PTPRG: variants seen among roughly 807,000 people sequenced by gnomAD.
PTPRG encodes the protein receptor-type tyrosine-protein phosphatase gamma.
In PTPRG, 102 loss-of-function variants were observed where a neutral mutation model predicts 165.3. The ratio of observed to expected loss-of-function variants is 0.62; its 90% CI spans 0.53 to 0.73. PTPRG has a LOEUF of 0.73. Ranked by LOEUF, PTPRG falls within the 30% of genes least tolerant of loss-of-function variation. PTPRG has a pLI of 0.00. For synonymous variants in PTPRG, 675 were observed against 669.5 expected (o/e 1.01, Z -0.13); for missense variants, 1,866 against 1,861.4 (o/e 1.00, Z -0.05).
At chr3:61,958,119 C>CT (rs1291230582) in intron 2 of PTPRG, among the ~76,000 whole-genome samples, 3 of 151,836 alleles carry the variant, frequency 2.0e-5, no homozygotes, top group East Asian at 3.9e-4. Flanking sequence ...GACTTTTCTT[C>CT]TTTTTTTTCT....
At chr3:62,022,205 T>C (rs988484772) in intron 4 of PTPRG, among the ~76,000 whole-genome samples, 7 of 152,184 alleles carry the variant, frequency 4.6e-5, no homozygotes, top group African/African-American at 1.7e-4. Context: ...TGTAGTACTA[T>C]GTATGTTATA....
In PTPRG at chr3:61,965,689, T is replaced by C. The variant is rs117168035; in HGVS notation, c.191-23936T>C. 1.5e-4 allele frequency among the ~76,000 whole-genome samples: 23 copies of C among 152,344 alleles called. No individual in the cohort carries two copies. In the East Asian group the frequency reaches 4.0e-3, roughly 27 times the overall value. ...TTTAGCATTGGGCAATAATAATGGC[T>C]AATATTTAACACGTAACATGCTCAC... On this transcript the variant is annotated intron_variant, in intron 2 of 29. Coordinates refer to ENST00000474889, the MANE Select transcript of PTPRG (RefSeq NM_002841.4).
chr3:62,056,077 A>G (rs1018207850), intron 4 of PTPRG, among the ~76,000 whole-genome samples: 2 of 152,248 alleles, frequency 1.3e-5, no homozygotes, highest in African/African-American at 4.8e-5. Context: ...CAACTGTGCC[A>G]TTATACATTA....
intron 2 of PTPRG, among the ~76,000 whole-genome samples, chr3:61,975,097 T>A (rs532426345): frequency 2.6e-5 from 4 of 152,190 alleles, no homozygotes; most frequent in Admixed American, 6.5e-5. Flanking sequence ...ATTCAGAAAA[T>A]GAGGGTAGTA....
At chr3:61,722,732 G>A (rs900008097) in intron 1 of PTPRG, among the ~76,000 whole-genome samples, 1 of 152,148 alleles carries the variant, frequency 6.6e-6, no homozygotes, top group South Asian at 2.1e-4. Flanking sequence ...TGAATTTTAT[G>A]TTATGTCTGT....
intron 2 of PTPRG, among the ~76,000 whole-genome samples, chr3:61,950,230 T>C (rs2039867170): frequency 6.6e-6 from 1 of 152,226 alleles, no homozygotes; most frequent in Admixed American, 6.5e-5. Flanking sequence ...TCACATTCTT[T>C]TCCCCCAGCT....
chr3:61,872,113 G>A (rs2037602017), intron 2 of PTPRG, among the ~76,000 whole-genome samples: 1 of 152,186 alleles, frequency 6.6e-6, no homozygotes, highest in Non-Finnish European at 1.5e-5. Flanking sequence ...TCTTGTTATG[G>A]AAAGGATTGG....
In PTPRG at chr3:62,055,457, C is replaced by T. The variant is rs1700602170; in HGVS notation, c.520-22706C>T. Among the ~76,000 whole-genome samples, 3 of 152,202 alleles carry T rather than the reference C, an allele frequency of 2.0e-5. No individual in the cohort carries two copies. The South Asian group carries it at 6.2e-4, about 32-fold the overall frequency. The stretch of plus-strand genomic sequence containing the variant: ...TCACAACTGCTTTTCATAGCAACCT[C>T]AATAACTAGGTGCTTGTTAGATCTA... On this transcript the variant is annotated intron_variant, in intron 4 of 29. Transcript: ENST00000474889.
At chr3:61,701,317 A>C (rs1481543465) in intron 1 of PTPRG, among the ~76,000 whole-genome samples, 1 of 151,126 alleles carries the variant, frequency 6.6e-6, no homozygotes, top group East Asian at 1.9e-4. Context: ...GTATCTGACA[A>C]CTCCTCAATA....
intron 2 of PTPRG, among the ~76,000 whole-genome samples, chr3:61,827,653 C>CATAT (rs144940270): frequency 6.6e-6 from 1 of 151,856 alleles, no homozygotes; most frequent in Admixed American, 6.6e-5. Flanking sequence ...TGGTTGGAAG[C>CATAT]ATATATATAT....
At chr3:61,899,511 G>A (rs2038445386) in intron 2 of PTPRG, among the ~76,000 whole-genome samples, 1 of 152,154 alleles carries the variant, frequency 6.6e-6, no homozygotes, top group Non-Finnish European at 1.5e-5. Context: ...TCAGGAGAGA[G>A]AGCTGTCGGT....
intron 1 of PTPRG, among the ~76,000 whole-genome samples, chr3:61,711,389 C>T (rs1297426096): frequency 1.3e-5 from 2 of 152,210 alleles, no homozygotes; most frequent in Non-Finnish European, 2.9e-5. Context: ...CTCCCACCAA[C>T]AGTGTAAAGT....
intron 4 of PTPRG, among the ~76,000 whole-genome samples, chr3:62,037,287 C>T (rs532908011): frequency 6.6e-6 from 1 of 152,208 alleles, no homozygotes; most frequent in East Asian, 1.9e-4. Flanking sequence ...GCCAGATCAC[C>T]AGGTTGGTGG....
intron 3 of PTPRG, 106 bp downstream of exon 3, chr3:61,989,910 T>C: frequency 1.6e-6 from 2 of 1,246,140 alleles, no homozygotes; most frequent in African/African-American, 1.5e-5. Context: ...TGCACATTGC[T>C]GTGGGGAGCC....
At chr3:62,104,957 CATTTTT>C (rs1384823763) in intron 5 of PTPRG, among the ~76,000 whole-genome samples, 1 of 152,060 alleles carries the variant, frequency 6.6e-6, no homozygotes, top group African/African-American at 2.4e-5. Context: ...TAATAGGATA[CATTTTT>C]ATTTTTAGTT....
intron 1 of PTPRG, among the ~76,000 whole-genome samples, chr3:61,634,910 A>C (rs1701865879): frequency 6.6e-6 from 1 of 152,176 alleles, no homozygotes; most frequent in Admixed American, 6.5e-5. Flanking sequence ...CAAGCTGTTG[A>C]TATAGTTCAG....
At chr3:61,701,554 A>T (rs2030959506) in intron 1 of PTPRG, among the ~76,000 whole-genome samples, 1 of 152,220 alleles carries the variant, frequency 6.6e-6, no homozygotes, top group Non-Finnish European at 1.5e-5. Flanking sequence ...TAATGAAAAG[A>T]AGTGAGTGCA....
intron 4 of PTPRG, among the ~76,000 whole-genome samples, chr3:62,059,036 A>T (rs1384921096): frequency 6.6e-6 from 1 of 152,204 alleles, no homozygotes; most frequent in African/African-American, 2.4e-5. Context: ...AGCCCCAGGT[A>T]TCCGGTCTGC....
intron 1 of PTPRG, among the ~76,000 whole-genome samples, chr3:61,744,863 C>T (rs2033136038): frequency 6.6e-6 from 1 of 151,870 alleles, no homozygotes; most frequent in Admixed American, 6.6e-5. Context: ...GTATTAAATG[C>T]TTGCTGTTTG....
Sources: allele counts gnomAD v4.1 joint callset (sites outside exome capture counted in the v4.1 genomes callset), GRCh38; gene constraint gnomAD v4.1.1; transcripts MANE v1.5; gene names NCBI Gene and HGNC (gene_info 2026-07-23, HGNC 2026-07-21).